The following ATXN2 variants were observed in gnomAD, a reference collection of about 807,000 sequenced individuals.
The protein encoded by ATXN2 is ataxin-2.
Under a neutral mutation model 138.6 loss-of-function variants are expected in ATXN2, and 37 were observed. The observed-to-expected ratio is 0.27, with a 90% CI of 0.21 to 0.35. The LOEUF (loss-of-function observed/expected upper bound fraction) is 0.35, where lower values mean the gene tolerates loss of function less well. ATXN2 is among the 10% of genes least tolerant of loss of function. ATXN2 has a pLI of 1.00. For synonymous variants in ATXN2, 549 were observed against 543.7 expected (o/e 1.01, Z -0.13); for missense variants, 1,216 against 1,480.3 (o/e 0.82, Z 2.93).
chr12:111,492,354 C>T (rs1188547282), intron 14 of ATXN2, among the ~76,000 whole-genome samples: 1 of 152,168 alleles, frequency 6.6e-6, no homozygotes, highest in African/African-American at 2.4e-5. Context: ...TAGATGACAA[C>T]ACTTAATTCC....
chr12:111,497,051 T>C (rs1233363199), intron 14 of ATXN2, among the ~76,000 whole-genome samples: 4 of 152,010 alleles, frequency 2.6e-5, no homozygotes, highest in African/African-American at 7.2e-5. Flanking sequence ...ACCACCGAAA[T>C]TCAAAGGATC....
At chr12:111,543,464 C>T (rs918000792) in intron 5 of ATXN2, among the ~76,000 whole-genome samples, 6 of 152,064 alleles carry the variant, frequency 3.9e-5, no homozygotes, top group East Asian at 1.9e-4. Flanking sequence ...GATGGAGTCT[C>T]GCTCTGTCAC....
Position 111,516,057 on chromosome 12 carries a change from T to C in ATXN2, c.1375+97A>G, listed in dbSNP as rs939570182. 2 of 1,142,264 alleles carry C rather than the reference T, an allele frequency of 1.8e-6. No individual in the cohort carries two copies. The highest frequency in any genetic ancestry group is 2.8e-5 in the East Asian group (1 of 35,736). 70.8% of individuals were successfully genotyped at this position (1,142,264 alleles called of 1,614,324 possible). A position where few individuals can be genotyped will look rare whatever the true frequency, so the allele number is the denominator to read the frequency against. ...AAAGTTAAAACACAGAAATTATAGG[T>C]TATTAAATAATGAAGAGGAAACTAT... On this transcript the variant is annotated intron_variant, in intron 10 of 24. Transcript: ENST00000673436. This position sits in a 1 kb window ranked among gnomAD's most constrained non-coding sequence, Gnocchi z 5.0.
chr12:111,524,310 A>G (rs1880357707), intron 6 of ATXN2, among the ~76,000 whole-genome samples: 1 of 152,196 alleles, frequency 6.6e-6, no homozygotes, highest in South Asian at 2.1e-4. Context: ...TAAACATCAA[A>G]CACAGATATG....
chr12:111,552,214 C>T lies in ATXN2; in HGVS notation c.571+66G>A. 1 of 1,472,620 alleles carries T rather than the reference C, an allele frequency of 6.8e-7. No individual in the cohort carries two copies. Among genetic ancestry groups the T allele is most frequent in the Admixed American group, 2.4e-5 (1 of 41,906 alleles). The allele number at this position is 1,472,620 out of a possible 1,614,324, so 91.2% of individuals were successfully genotyped here. A position where few individuals can be genotyped will look rare whatever the true frequency, so the allele number is the denominator to read the frequency against. On this transcript the variant is annotated intron_variant, in intron 5 of 24. Transcript: ENST00000673436. This position sits in a 1 kb window ranked among gnomAD's most constrained non-coding sequence, Gnocchi z 4.1. ...TCTTTAAAAAAAGTTTGTAAGATCA[C>T]TGTGAAAATCTTTGCTTGAATAAAT...
intron 21 of ATXN2, among the ~76,000 whole-genome samples, chr12:111,460,971 C>T (rs1875534363): frequency 6.6e-6 from 1 of 152,086 alleles, no homozygotes; most frequent in Non-Finnish European, 1.5e-5. Context: ...CCTTTCCCTA[C>T]CTAAATACCG....
At chr12:111,578,338 C>T (rs1252811858) in intron 1 of ATXN2, among the ~76,000 whole-genome samples, 1 of 152,188 alleles carries the variant, frequency 6.6e-6, no homozygotes, top group African/African-American at 2.4e-5. Flanking sequence ...ACTTCCTGTC[C>T]TGCAAGCTCC....
chr12:111,508,441 CTT>C (rs66643315), intron 14 of ATXN2, among the ~76,000 whole-genome samples: 348 of 85,606 alleles, frequency 4.1e-3, no homozygotes, highest in African/African-American at 0.017. Flanking sequence ...AATTGAAAAA[CTT>C]TTTTTTTTTT....
intron 1 of ATXN2, among the ~76,000 whole-genome samples, chr12:111,565,955 C>T (rs996191581): frequency 6.7e-6 from 1 of 149,952 alleles, no homozygotes; most frequent in African/African-American, 2.5e-5. Flanking sequence ...GAGATCATGC[C>T]ACTGCACTCC....
chr12:111,470,113 A>G lies in ATXN2; in HGVS notation c.2837T>C (p.Met946Thr), dbSNP rs764053104. The part of the protein sequence containing the change: ...QYGAHEQTHA[M>T]YACPKLPYNK... ...ACAAACAAAGTGCTTCCTACCATAC[A>G]TCGCATGCGTCTGCTCATGAGCCCC... The change falls in exon 20 of 25, where the codon ATG becomes ACG. Residue 946 changes from methionine (M) to threonine (T), a missense_variant. Around this residue, in one of 4 missense-constraint regions of ATXN2, gnomAD observed 490 missense variants for 653.5 expected, o/e 0.75. Coordinates refer to ENST00000673436, the MANE Select transcript of ATXN2 (RefSeq NM_001372574.1). 4 of 1,613,706 alleles carry G rather than the reference A, an allele frequency of 2.5e-6. No homozygotes were observed. The highest frequency in any genetic ancestry group is 2.2e-5 in the East Asian group (1 of 44,876).
intron 18 of ATXN2, among the ~76,000 whole-genome samples, chr12:111,479,855 T>TAAA (rs11345860): frequency 7.1e-6 from 1 of 140,546 alleles, no homozygotes; most frequent in Admixed American, 7.1e-5. Flanking sequence ...TTCCATTTAT[T>TAAA]AAAAAAAAAA....
intron 23 of ATXN2, chr12:111,454,813 T>G: frequency 2.0e-6 from 1 of 502,416 alleles, no homozygotes; most frequent in South Asian, 2.5e-5. Context: ...TAGGGATCCC[T>G]GACTTACATG....
chr12:111,525,314 C>T lies in ATXN2; in HGVS notation c.574G>A (p.Ala192Thr). The T allele has an allele frequency of 6.3e-7, 1 of 1,577,088 alleles. No individual in the cohort carries two copies. The highest frequency in any genetic ancestry group is 8.6e-7 in the Non-Finnish European group (1 of 1,165,452). ...DMDSSYAKRD[A>T]FTDSAISAKV... ...GCACTGATAGCAGAGTCAGTAAAAG[C>T]ATCTGCAAAGAATGGTTTTGGTTGA... is the stretch of plus-strand genomic sequence containing the variant. The change falls in exon 6 of 25, where the codon GCT becomes ACT. Residue 192 changes from alanine (A) to threonine (T), a missense_variant and splice_region_variant. Ala to Thr is a moderately conservative substitution (Grantham distance 58). This residue lies in a region of ATXN2 where 401 missense variants were observed against 528.1 expected (regional missense o/e 0.76). Transcript: ENST00000673436.
chr12:111,590,786 G>A (rs1411484625), intron 1 of ATXN2, among the ~76,000 whole-genome samples: 1 of 152,094 alleles, frequency 6.6e-6, no homozygotes, highest in African/African-American at 2.4e-5. Flanking sequence ...TGCAGCATTA[G>A]GTTCTTATAG....
chr12:111,467,857 T>C (rs142971909), intron 20 of ATXN2, among the ~76,000 whole-genome samples: 92 of 152,322 alleles, frequency 6.0e-4, no homozygotes, highest in Non-Finnish European at 1.3e-3. Flanking sequence ...CCAATGAACA[T>C]TCATCCAAAA....
intron 23 of ATXN2, chr12:111,454,884 T>C (rs995715018): frequency 1.7e-6 from 1 of 591,572 alleles, no homozygotes; most frequent in Non-Finnish European, 3.1e-6. Context: ...CCCCAGCTCT[T>C]ATGAAGCTGA....
chr12:111,544,230 C>G (rs1881689398), intron 5 of ATXN2, among the ~76,000 whole-genome samples: 1 of 152,122 alleles, frequency 6.6e-6, no homozygotes, highest in African/African-American at 2.4e-5. Context: ...TGTATTTCTC[C>G]GTACTGTCCA....
chr12:111,583,520 C>A (rs569663922), intron 1 of ATXN2, among the ~76,000 whole-genome samples: 117 of 151,828 alleles, frequency 7.7e-4, no homozygotes, highest in African/African-American at 2.8e-3. Flanking sequence ...AATCCCAGCA[C>A]GTTGGGAGGC....
intron 6 of ATXN2, among the ~76,000 whole-genome samples, chr12:111,523,800 C>T (rs1443055847): frequency 1.3e-5 from 2 of 151,204 alleles, no homozygotes; most frequent in Non-Finnish European, 2.9e-5. Flanking sequence ...TGATGGCTCA[C>T]ACCTGTAATC....
Sources: allele counts gnomAD v4.1 joint callset (sites outside exome capture counted in the v4.1 genomes callset), GRCh38; gene constraint gnomAD v4.1.1; regional missense constraint gnomAD v4.1.1; non-coding constraint Gnocchi (gnomAD v3.1); transcripts MANE v1.5; gene names NCBI Gene and HGNC (gene_info 2026-07-23, HGNC 2026-07-21).